ATAD2B: variants seen among roughly 807,000 people sequenced by gnomAD.
The protein encoded by ATAD2B is ATPase family AAA domain containing 2B.
A neutral mutation model predicts 167.6 loss-of-function variants in ATAD2B; 40 were observed. That is an observed-to-expected ratio of 0.24 (90% confidence interval 0.19 to 0.31). ATAD2B has a LOEUF of 0.31. Ranked by LOEUF, ATAD2B falls within the 10% of genes least tolerant of loss-of-function variation. ATAD2B has a pLI of 1.00. For synonymous variants in ATAD2B, 579 were observed against 596.5 expected (o/e 0.97, Z 0.43); for missense variants, 1,242 against 1,757.2 (o/e 0.71, Z 5.24).
intron 8 of ATAD2B, among the ~76,000 whole-genome samples, chr2:23,871,946 C>T (rs962005300): frequency 1.3e-5 from 2 of 152,086 alleles, no homozygotes; most frequent in Non-Finnish European, 2.9e-5. Flanking sequence ...GGCGCAATCT[C>T]GACTCACTGC....
rs1312565986 is a variant in ATAD2B at position 23,880,698 on chromosome 2, T to C, written c.842A>G (p.Asp281Gly). Reference protein sequence around the residue: ...EVEEAEGEENDRPYNLRQRKT... With the variant: ...EVEEAEGEENGRPYNLRQRKT... The stretch of plus-strand genomic sequence containing the variant: ...TCTCTGTCTCAAATTATATGGTCTA[T>C]CATTTTCTTCTCCTTCTGCCTCTTC... The change falls in exon 7 of 28, where the codon GAT (aspartate) becomes GGT (glycine). Residue 281 changes from aspartate to glycine, a missense_variant. Physicochemically the swap from Asp to Gly is moderately conservative, Grantham distance 94 (BLOSUM62 -1). Coordinates refer to ENST00000238789, the MANE Select transcript of ATAD2B (RefSeq NM_017552.4). 1 of 1,610,890 alleles carries C rather than the reference T, an allele frequency of 6.2e-7. No individual in the cohort carries two copies. The highest frequency in any genetic ancestry group is 8.5e-7 in the Non-Finnish European group (1 of 1,178,216).
chr2:23,794,603 T>G (rs1363777666), intron 19 of ATAD2B, among the ~76,000 whole-genome samples: 1 of 152,150 alleles, frequency 6.6e-6, no homozygotes, highest in Non-Finnish European at 1.5e-5. Flanking sequence ...TCTGAAAATA[T>G]TCTCATTACT....
At chr2:23,703,095 G>A in the ATAD2B span, 47 of 925,878 alleles carry the variant, frequency 5.1e-5, no homozygotes, top group Admixed American at 1.4e-3. Context: ...CTGAGGGCGA[G>A]GAGCAGATGG....
downstream of ATAD2B, among the ~76,000 whole-genome samples, chr2:23,746,831 T>G (rs552782390): frequency 2.0e-5 from 3 of 152,270 alleles, no homozygotes; most frequent in East Asian, 5.8e-4. Context: ...CATTCACTGC[T>G]TAATGAAATT....
intron 8 of ATAD2B, among the ~76,000 whole-genome samples, chr2:23,875,481 G>C (rs112171740): frequency 0.065 from 9,709 of 150,384 alleles, 400 homozygotes; most frequent in African/African-American, 0.12. Flanking sequence ...CCTCCAGCCT[G>C]AGGGACAAAG....
intron 5 of ATAD2B, 145 bp downstream of exon 5, chr2:23,885,582 G>C: frequency 5.6e-6 from 3 of 536,050 alleles, no homozygotes; most frequent in Non-Finnish European, 9.9e-6. Flanking sequence ...AAACAAGCAA[G>C]CAATAAAATC....
intron 18 of ATAD2B, among the ~76,000 whole-genome samples, chr2:23,807,826 A>AT (rs1229720356): frequency 0.014 from 1,758 of 121,924 alleles, 12 homozygotes; most frequent in African/African-American, 0.026. Flanking sequence ...AAAAAAAAAA[A>AT]AAATATATAT....
intron 1 of ATAD2B, among the ~76,000 whole-genome samples, chr2:23,916,114 G>T (rs1032836917): frequency 6.6e-6 from 1 of 152,090 alleles, no homozygotes; most frequent in African/African-American, 2.4e-5. Context: ...AATTCTTCCA[G>T]AAGTACATAA....
At chr2:23,786,653 A>G (rs530476591) in intron 20 of ATAD2B, among the ~76,000 whole-genome samples, 2 of 152,288 alleles carry the variant, frequency 1.3e-5, no homozygotes, top group East Asian at 3.9e-4. Flanking sequence ...TATGCAGCGC[A>G]TGACTATATG....
the ATAD2B span, among the ~76,000 whole-genome samples, chr2:23,683,345 G>A: frequency 6.6e-6 from 1 of 152,226 alleles, no homozygotes; most frequent in African/African-American, 2.4e-5. Flanking sequence ...CCTCTGACGC[G>A]CAGCTGCCAG....
In ATAD2B at chr2:23,885,783, G is replaced by T. The variant is rs777730036; in HGVS notation, c.619C>A (p.Arg207=). The part of the protein sequence containing the change: ...LQEMDNINIR[R]NRRSGEVERL... ...TCTACTTCTCCTGATCGACGATTCC[G>T]TCGGATGTTAATGTTGTCCATTTCC... is the stretch of plus-strand genomic sequence containing the variant. The change falls in exon 5 of 28, where the codon CGG becomes AGG. Residue 207 remains arginine, a synonymous_variant. Transcript: ENST00000238789. 4.8e-5 allele frequency: 77 copies of T among 1,597,040 alleles called. No individual in the cohort carries two copies. The highest frequency in any genetic ancestry group is 2.6e-6 in the Non-Finnish European group (3 of 1,170,534).
intron 22 of ATAD2B, among the ~76,000 whole-genome samples, chr2:23,768,823 T>C (rs1402973371): frequency 6.6e-6 from 1 of 152,260 alleles, no homozygotes; most frequent in African/African-American, 2.4e-5. Flanking sequence ...GTCCCTATTT[T>C]TGCATGTATC....
chr2:23,872,823 C>A, intron 8 of ATAD2B: 1 of 1,012,402 alleles, frequency 9.9e-7, no homozygotes, highest in East Asian at 2.4e-5. Flanking sequence ...GTCCAGATTG[C>A]TCTCTTCTGC....
At chr2:23,864,343 T>TA (rs1694850494) in intron 11 of ATAD2B, among the ~76,000 whole-genome samples, 1 of 152,090 alleles carries the variant, frequency 6.6e-6, no homozygotes, top group African/African-American at 2.4e-5. Flanking sequence ...TAACATAATT[T>TA]ATCTGCCTTT....
chr2:23,813,890 A>C (rs1686017009), intron 17 of ATAD2B, among the ~76,000 whole-genome samples: 1 of 152,200 alleles, frequency 6.6e-6, no homozygotes, highest in Non-Finnish European at 1.5e-5. Context: ...AATTCATAAT[A>C]ATCTAAAAAC....
chr2:23,872,441 G>A (rs1055236156), intron 8 of ATAD2B: 6 of 726,588 alleles, frequency 8.3e-6, no homozygotes, highest in Admixed American at 7.2e-5. Context: ...ATGCCCCAGA[G>A]GCTGTTGCCA....
In ATAD2B at chr2:23,757,414, C is replaced by T. The variant is rs746593856; in HGVS notation, c.4078+4G>A. On this transcript the variant is annotated splice_donor_region_variant and intron_variant, in intron 25 of 27. Transcript: ENST00000238789. ...TCAGAAGATTTTTCAAATATTAGCT[C>T]TACCTTCTTTATCCAGTTCTGCATC... The T allele has an allele frequency of 1.4e-6, 2 of 1,462,694 alleles. No homozygotes were observed. The highest frequency in any genetic ancestry group is 3.2e-5 in the South Asian group (2 of 62,480). 90.6% of individuals were successfully genotyped at this position (1,462,694 alleles called of 1,614,324 possible).
At chr2:23,692,936 G>A in the ATAD2B span, among the ~76,000 whole-genome samples, 2 of 152,256 alleles carry the variant, frequency 1.3e-5, no homozygotes, top group East Asian at 1.9e-4. Flanking sequence ...CAACCTCAGC[G>A]ACAGTGTGAC....
intron 7 of ATAD2B, among the ~76,000 whole-genome samples, chr2:23,879,309 GAA>G: frequency 7.0e-6 from 1 of 142,236 alleles, no homozygotes. Context: ...TTCAGCAAAA[GAA>G]AAAAAAAAAG....
Sources: gnomAD v4.1 joint callset for allele counts (sites outside exome capture counted in the v4.1 genomes callset) on GRCh38, gnomAD v4.1.1 for gene constraint, MANE v1.5 for transcripts, NCBI Gene and HGNC (gene_info 2026-07-23, HGNC 2026-07-21) for gene names.